Variants in SBK1 observed in about 807,000 individuals in gnomAD.
SBK1 encodes SH3 domain binding kinase 1, also known as serine/threonine-protein kinase SBK1.
SBK1 carries 11 observed loss-of-function variants against 24.4 expected under a neutral mutation model. That is an observed-to-expected ratio of 0.45 (90% CI 0.28 to 0.75). SBK1 has a LOEUF of 0.75. SBK1 is among the 30% of genes least tolerant of loss of function. The pLI is 0.12. For synonymous variants in SBK1, 308 were observed against 284.4 expected (o/e 1.08, Z -0.83); for missense variants, 467 against 620.5 (o/e 0.75, Z 2.63).
At position 28,293,063 on chromosome 16, in the gene SBK1, C is replaced by A; in HGVS notation, c.-245C>A. The A allele has an allele frequency of 2.0e-6, 2 of 985,824 alleles. No individual in the cohort carries two copies. The highest frequency in any genetic ancestry group is 2.4e-6 in the Non-Finnish European group (2 of 830,162). The allele number at this position is 985,824 out of a possible 1,614,324, so 61.1% of individuals were successfully genotyped here. ...ATCAGGGGATCCCAATTCCCCCCAA[C>A]TCCGGTACATAGAAATCCCAAATCT... On this transcript the variant is annotated 5_prime_UTR_variant, in exon 1 of 4. Transcript: ENST00000341901.
rs1449890530 is a variant in SBK1 at position 28,320,156 on chromosome 16, G to A, written c.510G>A (p.Leu170=). Residue 170 remains leucine (L), a synonymous_variant, in exon 4 of 4, where the codon CTG becomes CTA. Transcript: ENST00000341901. This position sits in a 1 kb window ranked among gnomAD's most constrained non-coding sequence, Gnocchi z 8.5. The part of the protein sequence containing the change: ...LALDFMHGRQ[L]VHRDIKPENV... The stretch of plus-strand genomic sequence containing the variant: ...TGGACTTCATGCACGGGCGGCAGCT[G>A]GTGCACCGCGACATCAAGCCCGAGA... The A allele has an allele frequency of 6.3e-7, 1 of 1,583,120 alleles. No homozygotes were observed. The highest frequency in any genetic ancestry group is 8.5e-7 in the Non-Finnish European group (1 of 1,170,052).
chr16:28,318,169 G>A (rs943979949), intron 2 of SBK1, among the ~76,000 whole-genome samples: 6 of 152,208 alleles, frequency 3.9e-5, no homozygotes, highest in African/African-American at 1.4e-4. Context: ...GACCCCAGGA[G>A]TCATCTCCAG....
At chr16:28,307,739 CAAAAA>C (rs34787009) in intron 1 of SBK1, among the ~76,000 whole-genome samples, 2 of 64,218 alleles carry the variant, frequency 3.1e-5, no homozygotes, top group Non-Finnish European at 7.4e-5. Flanking sequence ...GACTCAGTCT[CAAAAA>C]AAAAAAAAAA....
chr16:28,322,981 CT>C lies in SBK1; in HGVS notation c.*2061del, dbSNP rs2044869555. The stretch of plus-strand genomic sequence containing the variant: ...CTCTCTCTCTCTCTCTCTCTCTCTC[CT>C]CTCTTTCTCTCTCTCCCTCTCTCTG... On this transcript the variant is annotated 3_prime_UTR_variant, in exon 4 of 4. Coordinates refer to ENST00000341901, the MANE Select transcript of SBK1 (RefSeq NM_001024401.3). The C allele has an allele frequency of 8.6e-6, 1 of 116,286 alleles. No homozygotes were observed. The highest frequency in any genetic ancestry group is 1.8e-5 in the Non-Finnish European group (1 of 55,916). 7.2% of individuals were successfully genotyped at this position (116,286 alleles called of 1,614,324 possible). A position where few individuals can be genotyped will look rare whatever the true frequency, so the allele number is the denominator to read the frequency against.
chr16:28,308,740 G>GGGGT (rs1555538285), intron 1 of SBK1, among the ~76,000 whole-genome samples: 195 of 130,598 alleles, frequency 1.5e-3, no homozygotes, highest in Admixed American at 4.9e-3. Flanking sequence ...CGTTCTTTGG[G>GGGGT]GTGTGTGTGT....
rs765505299 is a variant in SBK1 at position 28,320,171 on chromosome 16, C to A, written c.525C>A (p.Ile175=). ...MHGRQLVHRD[I]KPENVLLFDR... is the part of the protein sequence containing the mutation. ...GGCGGCAGCTGGTGCACCGCGACATCAAGCCCGAGAACGTGCTGCTGTTCG... is the reference window on the plus strand; with the variant it reads ...GGCGGCAGCTGGTGCACCGCGACATAAAGCCCGAGAACGTGCTGCTGTTCG... The change falls in exon 4 of 4, where the codon ATC becomes ATA. Residue 175 remains isoleucine, a synonymous_variant. Transcript: ENST00000341901. This position sits in a 1 kb window ranked among gnomAD's most constrained non-coding sequence, Gnocchi z 8.5. 4 of 1,590,090 alleles carry A rather than the reference C, an allele frequency of 2.5e-6. No individual in the cohort carries two copies. The highest frequency in any genetic ancestry group is 3.4e-6 in the Non-Finnish European group (4 of 1,173,848).
At chr16:28,282,036 C>T (rs1011077474) in intron 1 of SBK1, among the ~76,000 whole-genome samples, 1 of 152,156 alleles carries the variant, frequency 6.6e-6, no homozygotes, top group Non-Finnish European at 1.5e-5. Flanking sequence ...CTCAGCTTCC[C>T]CATCTGGGGG....
intron 1 of SBK1, among the ~76,000 whole-genome samples, chr16:28,307,352 C>T (rs1306252507): frequency 1.3e-5 from 2 of 151,974 alleles, no homozygotes; most frequent in Non-Finnish European, 2.9e-5. Flanking sequence ...ATCCAATAGG[C>T]GGCAGAGCCA....
At chr16:28,318,955 G>A (rs1438296418) in intron 2 of SBK1, 40 bp from the exon 3 acceptor site, 2 of 1,520,616 alleles carry the variant, frequency 1.3e-6, no homozygotes, top group Admixed American at 3.3e-5. Context: ...GGAGGCACTG[G>A]GAGAGGGGGC....
chr16:28,282,923 ATTTATTTG>A (rs2044542359), intron 1 of SBK1, among the ~76,000 whole-genome samples: 1 of 56,864 alleles, frequency 1.8e-5, no homozygotes, highest in African/African-American at 5.7e-5. Context: ...TTATTTATTT[ATTTATTTG>A]TTTGTTTGTT....
In SBK1 at chr16:28,317,087, G is replaced by A. The variant is rs751853168; in HGVS notation, c.-7-298G>A. 1.3e-5 allele frequency among the ~76,000 whole-genome samples: 2 copies of A among 152,198 alleles called. No individual in the cohort carries two copies. Among genetic ancestry groups the A allele is most frequent in the Admixed American group, 6.5e-5 (1 of 15,272 alleles). On this transcript the variant is annotated intron_variant, in intron 1 of 3. Coordinates refer to ENST00000341901, the MANE Select transcript of SBK1 (RefSeq NM_001024401.3). This position sits in a 1 kb window ranked among gnomAD's most constrained non-coding sequence, Gnocchi z 4.2. ...ACTCGGTATCTGGCTGTGTCTGTGT[G>A]ACATAAACAGGGGCCTTGCCTGACA...
In SBK1 at chr16:28,317,631, G is replaced by C; in HGVS notation, c.226+14G>C. 6.3e-7 allele frequency: 1 copy of C among 1,575,668 alleles called. No individual in the cohort carries two copies. Among genetic ancestry groups the C allele is most frequent in the Non-Finnish European group, 8.7e-7 (1 of 1,144,686 alleles). On this transcript the variant is annotated intron_variant, in intron 2 of 3. Coordinates refer to ENST00000341901, the MANE Select transcript of SBK1 (RefSeq NM_001024401.3). The surrounding 1 kb of genome is among the most constrained non-coding windows in gnomAD (Gnocchi z 4.2). ...ACAAGGGCACAGGTGAACAAGTGCA[G>C]GGTGGCAGGGCTGAGAGGTTGGGGT...
intron 1 of SBK1, among the ~76,000 whole-genome samples, chr16:28,281,540 A>C (rs890277480): frequency 1.3e-5 from 2 of 152,100 alleles, no homozygotes; most frequent in Non-Finnish European, 2.9e-5. Flanking sequence ...TGGGAGGAAG[A>C]GGTAAGGCTG....
chr16:28,306,290 T>C (rs539265269), intron 1 of SBK1, among the ~76,000 whole-genome samples: 4 of 152,174 alleles, frequency 2.6e-5, no homozygotes, highest in African/African-American at 7.2e-5. Context: ...AATAAAGATA[T>C]AAGCAGAGAG....
At chr16:28,264,702 G>A (rs954166365) in intron 1 of SBK1, among the ~76,000 whole-genome samples, 3 of 152,146 alleles carry the variant, frequency 2.0e-5, no homozygotes, top group Non-Finnish European at 4.4e-5. Flanking sequence ...CTCGGCTGAC[G>A]GTGGAACTTC....
chr16:28,313,725 G>A (rs2044770579), intron 1 of SBK1, among the ~76,000 whole-genome samples: 1 of 152,034 alleles, frequency 6.6e-6, no homozygotes, highest in Non-Finnish European at 1.5e-5. Context: ...TTCCTCCCCA[G>A]CCAGCTGAGA....
Position 28,320,251 on chromosome 16 carries a change from G to T in SBK1, c.605G>T (p.Gly202Val). 6.3e-7 allele frequency: 1 copy of T among 1,591,282 alleles called. No homozygotes were observed. The change falls in exon 4 of 4, where the codon GGC becomes GTC. Residue 202 changes from glycine (G) to valine (V), a missense_variant. Transcript: ENST00000341901. The surrounding 1 kb of genome is among the most constrained non-coding windows in gnomAD (Gnocchi z 8.5). ...GACTTCGGCATGACGCGCCGCGTGG[G>T]CTGCCGCGTCAAGCGCGTGAGCGGC... ...LADFGMTRRV[G>V]CRVKRVSGTI...
intron 2 of SBK1, among the ~76,000 whole-genome samples, chr16:28,318,491 G>A (rs1216143601): frequency 6.6e-6 from 1 of 152,260 alleles, no homozygotes; most frequent in Non-Finnish European, 1.5e-5. Context: ...TTGTGAATGT[G>A]CAGTGCTGAA....
upstream of SBK1, among the ~76,000 whole-genome samples, chr16:28,289,529 GC>G: frequency 6.6e-6 from 1 of 152,350 alleles, no homozygotes; most frequent in Non-Finnish European, 1.5e-5. Flanking sequence ...ACTTTGGGAG[GC>G]TGAGGTGGAC....
Sources: allele counts gnomAD v4.1 joint callset (sites outside exome capture counted in the v4.1 genomes callset), GRCh38; gene constraint gnomAD v4.1.1; non-coding constraint Gnocchi (gnomAD v3.1); transcripts MANE v1.5; gene names NCBI Gene and HGNC (gene_info 2026-07-23, HGNC 2026-07-21).